Variants in JARID2 observed in about 807,000 individuals in gnomAD.
The protein encoded by JARID2 is jumonji and AT-rich interaction domain containing 2.
JARID2 carries 21 observed loss-of-function variants against 125.6 expected under a neutral mutation model. That is an observed-to-expected ratio of 0.17 (90% CI 0.12 to 0.24). The LOEUF is 0.24. Ranked by LOEUF, JARID2 falls within the 10% of genes least tolerant of loss-of-function variation. JARID2 has a pLI of 1.00. For missense variants in JARID2, 1,303 were observed against 1,639.6 expected (o/e 0.79, Z 3.55); for synonymous variants, 736 against 661.6 (o/e 1.11, Z -1.73).
chr6:15,481,206 G>C (rs1277465483), intron 5 of JARID2, among the ~76,000 whole-genome samples: 1 of 152,144 alleles, frequency 6.6e-6, no homozygotes, highest in Non-Finnish European at 1.5e-5. Flanking sequence ...TCTATAGGCC[G>C]TTTAACTTTC....
chr6:15,285,113 T>C (rs1252738993), intron 1 of JARID2, among the ~76,000 whole-genome samples: 2 of 140,992 alleles, frequency 1.4e-5, no homozygotes, highest in Non-Finnish European at 3.1e-5. Flanking sequence ...TGGGTTTTTT[T>C]TTTTTTTTTT....
intron 1 of JARID2, among the ~76,000 whole-genome samples, chr6:15,323,913 T>C (rs1762441217): frequency 6.6e-6 from 1 of 151,584 alleles, no homozygotes; most frequent in Non-Finnish European, 1.5e-5. Flanking sequence ...CTGGGCGTGG[T>C]GGCTCATGCC....
chr6:15,387,802 G>A (rs553236139), intron 2 of JARID2, among the ~76,000 whole-genome samples: 1 of 152,330 alleles, frequency 6.6e-6, no homozygotes, highest in African/African-American at 2.4e-5. Context: ...GGGGATGGCA[G>A]TTGTGATGGT....
At chr6:15,410,170 T>G in intron 2 of JARID2, 54 bp from the exon 3 acceptor site, 2 of 1,549,140 alleles carry the variant, frequency 1.3e-6, no homozygotes, top group Non-Finnish European at 1.8e-6. Flanking sequence ...TGTGGTAAAG[T>G]GCTGCCTCCT....
intron 2 of JARID2, among the ~76,000 whole-genome samples, chr6:15,378,184 G>A (rs1275223223): frequency 7.0e-6 from 1 of 142,036 alleles, no homozygotes; most frequent in Non-Finnish European, 1.5e-5. Flanking sequence ...ACCCCACCCG[G>A]CCCTCAATTT....
At chr6:15,256,517 G>A (rs1759671584) in intron 1 of JARID2, among the ~76,000 whole-genome samples, 1 of 152,194 alleles carries the variant, frequency 6.6e-6, no homozygotes, top group Non-Finnish European at 1.5e-5. Context: ...TGGCTCTCTG[G>A]TCCTCAGGAT....
intron 6 of JARID2, among the ~76,000 whole-genome samples, chr6:15,490,430 C>T (rs963639633): frequency 4.6e-5 from 7 of 152,228 alleles, no homozygotes; most frequent in South Asian, 2.1e-4. Flanking sequence ...TCCCCTCGTG[C>T]GAACTGGGCA....
intron 3 of JARID2, among the ~76,000 whole-genome samples, chr6:15,423,088 G>A (rs1766573200): frequency 1.3e-5 from 2 of 150,874 alleles, no homozygotes; most frequent in South Asian, 2.1e-4. Context: ...TAACCTCCGC[G>A]TCCTGGGTGC....
At chr6:15,323,903 C>T (rs1762440599) in intron 1 of JARID2, among the ~76,000 whole-genome samples, 1 of 150,846 alleles carries the variant, frequency 6.6e-6, no homozygotes, top group Admixed American at 6.6e-5. Context: ...ATAAAAAAGG[C>T]TGGGCGTGGT....
intron 1 of JARID2, among the ~76,000 whole-genome samples, chr6:15,340,744 G>A (rs752337427): frequency 6.6e-6 from 1 of 152,164 alleles, no homozygotes; most frequent in Non-Finnish European, 1.5e-5. Context: ...CTACTTGGTC[G>A]TTTGCTGGTC....
chr6:15,405,645 C>A (rs1159755441), intron 2 of JARID2, among the ~76,000 whole-genome samples: 1 of 152,152 alleles, frequency 6.6e-6, no homozygotes, highest in Non-Finnish European at 1.5e-5. Flanking sequence ...AACCTCCTCT[C>A]CCCAACAAAG....
At chr6:15,468,739 G>A in intron 5 of JARID2, 21 bp downstream of exon 5, 2 of 1,593,002 alleles carry the variant, frequency 1.3e-6, no homozygotes, top group Non-Finnish European at 1.7e-6. Context: ...CGTTGAACTT[G>A]GATAAGAAAA....
At chr6:15,272,993 G>A (rs188478471) in intron 1 of JARID2, among the ~76,000 whole-genome samples, 3 of 152,214 alleles carry the variant, frequency 2.0e-5, no homozygotes, top group East Asian at 3.9e-4. Context: ...TAGGTTAAGA[G>A]GTTATATTTG....
chr6:15,392,172 T>C (rs747780459), intron 2 of JARID2, among the ~76,000 whole-genome samples: 7 of 152,098 alleles, frequency 4.6e-5, no homozygotes, highest in South Asian at 2.1e-4. Context: ...GTCCTTCCTT[T>C]ACTGTCAAGC....
In JARID2 at chr6:15,520,226, C is replaced by T. The variant is rs146408706; in HGVS notation, c.3716C>T (p.Ser1239Phe). The change falls in exon 18 of 18, where the codon TCC becomes TTC. Residue 1239 changes from serine to phenylalanine, a missense_variant. Coordinates refer to ENST00000341776, the MANE Select transcript of JARID2 (RefSeq NM_004973.4). ...TCCCGTCTGTCAGCCTCCAGTTCAT[C>T]CAAAAGTGCTTCGAGCTCATCATGA... ...PPSRLSASSSSKSASSSS is the reference protein window; with the variant it reads ...PPSRLSASSSFKSASSSS The T allele has an allele frequency of 6.2e-7, 1 of 1,611,116 alleles. No individual in the cohort carries two copies. The highest frequency in any genetic ancestry group is 1.3e-5 in the African/African-American group (1 of 74,864).
chr6:15,447,964 A>G (rs1269569341), intron 3 of JARID2, among the ~76,000 whole-genome samples: 3 of 152,150 alleles, frequency 2.0e-5, no homozygotes, highest in Non-Finnish European at 4.4e-5. Context: ...GCCTGTCTGT[A>G]CTGTTTAGAG....
Position 15,381,669 on chromosome 6 carries a change from G to A in JARID2, c.181+7417G>A, listed in dbSNP as rs184183340. Among the ~76,000 whole-genome samples, 220 of 152,318 alleles carry A rather than the reference G, an allele frequency of 1.4e-3. 2 individuals are homozygous for A. Among genetic ancestry groups the A allele is most frequent in the Admixed American group, 0.013 (192 of 15,296 alleles). On this transcript the variant is annotated intron_variant, in intron 2 of 17. Coordinates refer to ENST00000341776, the MANE Select transcript of JARID2 (RefSeq NM_004973.4). ...CTCTTTGTCTTTCAGCTGCTTTTTTGATGTAGTGATGTAGGTGGGGCATTT... is the reference window on the plus strand; with the variant it reads ...CTCTTTGTCTTTCAGCTGCTTTTTTAATGTAGTGATGTAGGTGGGGCATTT...
chr6:15,459,982 T>A (rs1232330194), intron 4 of JARID2, among the ~76,000 whole-genome samples: 1 of 152,128 alleles, frequency 6.6e-6, no homozygotes, highest in African/African-American at 2.4e-5. Context: ...GTACACAACT[T>A]TTTTTGAGGG....
In JARID2 at chr6:15,246,463, A is replaced by T. The variant is rs992556857; in HGVS notation, c.-77A>T. 1 of 1,274,940 alleles carries T rather than the reference A, an allele frequency of 7.8e-7. No individual in the cohort carries two copies. The highest frequency in any genetic ancestry group is 1.2e-5 in the South Asian group (1 of 82,158). The allele number at this position is 1,274,940 out of a possible 1,614,324, so 79.0% of individuals were successfully genotyped here. Reference sequence around the variant, plus strand: ...CAACAACAATAAAAACCACCAGGATATTTTTTTGCAAATTTCTGACGGCTT... The same window carrying T: ...CAACAACAATAAAAACCACCAGGATTTTTTTTTGCAAATTTCTGACGGCTT... On this transcript the variant is annotated 5_prime_UTR_variant, in exon 1 of 18. Coordinates refer to ENST00000341776, the MANE Select transcript of JARID2 (RefSeq NM_004973.4).
Sources: gnomAD v4.1 joint callset for allele counts (sites outside exome capture counted in the v4.1 genomes callset) on GRCh38, gnomAD v4.1.1 for gene constraint, MANE v1.5 for transcripts, NCBI Gene and HGNC (gene_info 2026-07-23, HGNC 2026-07-21) for gene names.